Variants in TCF20 observed in about 807,000 individuals in gnomAD.
TCF20 encodes the protein transcription factor 20, also known as SPRE-binding protein.
TCF20 carries 3 observed loss-of-function variants against 148.6 expected under a neutral mutation model. The observed-to-expected ratio is 0.02, with a 90% confidence interval of 0.01 to 0.05. The LOEUF is 0.05. Among genes scored for constraint, TCF20 ranks in the 10% least tolerant of loss-of-function variants. The pLI is 1.00. For missense variants in TCF20, 2,350 were observed against 2,429.3 expected (o/e 0.97, Z 0.69); for synonymous variants, 1,049 against 909.5 (o/e 1.15, Z -2.76).
At chr22:42,268,578 A>T (rs913913364) in intron 1 of TCF20, among the ~76,000 whole-genome samples, 2 of 152,232 alleles carry the variant, frequency 1.3e-5, no homozygotes, top group Admixed American at 1.3e-4. Flanking sequence ...TCCTTTGAAG[A>T]ACTTTAATAA....
intron 2 of TCF20, among the ~76,000 whole-genome samples, chr22:42,197,252 A>T (rs994930112): frequency 6.6e-6 from 1 of 152,084 alleles, no homozygotes. Context: ...CAAGGAGGCT[A>T]CTTGATTTCC....
chr22:42,211,746 G>A lies in TCF20; in HGVS notation c.3560C>T (p.Ser1187Phe), dbSNP rs1190791129. 7 of 1,614,138 alleles carry A rather than the reference G, an allele frequency of 4.3e-6. No homozygotes were observed. The highest frequency in any genetic ancestry group is 4.2e-6 in the Non-Finnish European group (5 of 1,180,028). Residue 1187 changes from serine to phenylalanine, a missense_variant, in exon 2 of 6, where the codon TCC (serine) becomes TTC (phenylalanine). This residue lies in a region of TCF20 where 1,641 missense variants were observed against 1,662.6 expected (regional missense o/e 0.99). Transcript: ENST00000677622. ...LKHGSQKLQE[S>F]CWDLSRQTSP... ...AGTTTGCCGAGAAAGATCCCAACAG[G>A]ATTCTTGTAACTTCTGGGAGCCATG...
chr22:42,321,451 C>T lies in TCF20; in HGVS notation c.-37+22028G>A, dbSNP rs548198120. ...CCAGGACCCCATATGCAGCTCTACA[C>T]CCCTGTCCACTCTTCTGCAAAGGCA... is the stretch of plus-strand genomic sequence containing the variant. On this transcript the variant is annotated intron_variant, in intron 1 of 1. Coordinates refer to the TCF20 transcript ENST00000515426. Among the ~76,000 whole-genome samples, 141 of 146,318 alleles carry T rather than the reference C, an allele frequency of 9.6e-4. 5 individuals carry two copies. The Middle Eastern group carries it at 0.017, about 18-fold the overall frequency.
chr22:42,210,203 C>G lies in TCF20; in HGVS notation c.5103G>C (p.Gly1701=). 1.2e-6 allele frequency: 2 copies of G among 1,614,112 alleles called. No homozygotes were observed. The highest frequency in any genetic ancestry group is 1.7e-6 in the Non-Finnish European group (2 of 1,180,022). Residue 1701 remains glycine (G), a synonymous_variant, in exon 2 of 6, where the codon GGG becomes GGC. Transcript: ENST00000677622. The surrounding 1 kb of genome is among the most constrained non-coding windows in gnomAD (Gnocchi z 4.7). The part of the protein sequence containing the change: ...GPVVTESSVM[G]HLVCCLCGKW... ...TGCCACACAGACAGCAAACCAGGTG[C>G]CCCATAACCGAAGACTCTGTCACAA...
intron 2 of TCF20, among the ~76,000 whole-genome samples, chr22:42,189,635 A>G (rs1471621854): frequency 6.6e-6 from 1 of 152,240 alleles, no homozygotes; most frequent in Non-Finnish European, 1.5e-5. Context: ...CACGAGGAAG[A>G]GACTAGGCTT....
chr22:42,340,634 A>C (rs1204171090), intron 1 of TCF20, among the ~76,000 whole-genome samples: 1 of 151,096 alleles, frequency 6.6e-6, no homozygotes, highest in Non-Finnish European at 1.5e-5. Context: ...GGCCCACCCC[A>C]CTCCACCCCA....
At chr22:42,272,399 GAAGA>G (rs1444775759), upstream of TCF20, among the ~76,000 whole-genome samples, 2 of 152,222 alleles carry the variant, frequency 1.3e-5, no homozygotes, top group Non-Finnish European at 2.9e-5. Context: ...GAGAATTCAT[GAAGA>G]AAGATGAATC....
chr22:42,320,145 C>G (rs1005040472), intron 1 of TCF20, among the ~76,000 whole-genome samples: 2 of 152,300 alleles, frequency 1.3e-5, no homozygotes, highest in South Asian at 4.2e-4. Context: ...CCATTCTCAC[C>G]CCTGCTCACT....
chr22:42,188,293 CAAA>C (rs58945649), intron 2 of TCF20, among the ~76,000 whole-genome samples: 11 of 49,460 alleles, frequency 2.2e-4, no homozygotes, highest in South Asian at 1.1e-3. Flanking sequence ...AACTCCGTCT[CAAA>C]AAAAAAAAAA....
intron 3 of TCF20, among the ~76,000 whole-genome samples, chr22:42,171,107 G>C (rs1936107755): frequency 6.6e-6 from 1 of 152,204 alleles, no homozygotes; most frequent in Admixed American, 6.5e-5. Flanking sequence ...GGACACATCT[G>C]CCTCCAGGTG....
intron 5 of TCF20, among the ~76,000 whole-genome samples, chr22:42,167,683 T>A (rs1251712403): frequency 6.6e-6 from 1 of 152,052 alleles, no homozygotes; most frequent in Non-Finnish European, 1.5e-5. Context: ...ACCACAATAA[T>A]CCCACACAAA....
intron 1 of TCF20, among the ~76,000 whole-genome samples, chr22:42,261,863 C>T (rs1182954515): frequency 2.6e-5 from 4 of 152,084 alleles, no homozygotes; most frequent in African/African-American, 7.2e-5. Flanking sequence ...TGGTGGCGGG[C>T]GCCTGTAATC....
intron 1 of TCF20, among the ~76,000 whole-genome samples, chr22:42,253,536 T>TAC (rs1268526762): frequency 6.6e-6 from 1 of 152,212 alleles, no homozygotes; most frequent in Non-Finnish European, 1.5e-5. Flanking sequence ...TTTCAAGATT[T>TAC]ACCCCTTAAA....
chr22:42,262,513 G>C (rs1487034555), intron 1 of TCF20, among the ~76,000 whole-genome samples: 1 of 152,164 alleles, frequency 6.6e-6, no homozygotes, highest in African/African-American at 2.4e-5. Flanking sequence ...ATACCAGTGA[G>C]ATGGTCAAGC....
At chr22:42,165,909 C>T (rs372160579) in intron 5 of TCF20, among the ~76,000 whole-genome samples, 4 of 152,220 alleles carry the variant, frequency 2.6e-5, no homozygotes, top group Admixed American at 1.3e-4. Flanking sequence ...CAGAACATGG[C>T]GCACTAGGAG....
At chr22:42,201,647 A>C (rs981219481) in intron 2 of TCF20, among the ~76,000 whole-genome samples, 1 of 152,084 alleles carries the variant, frequency 6.6e-6, no homozygotes, top group Admixed American at 6.6e-5. Context: ...AGGTGCCTGC[A>C]ACTTCAGCTA....
rs950591996 is a variant in TCF20, at chr22:42,213,608, A to G, written c.1698T>C (p.Asn566=). Residue 566 remains asparagine, a synonymous_variant, in exon 2 of 6, where the codon AAT becomes AAC. Transcript: ENST00000677622. ...AGSSPAQGAQ[N]EPPRLNASPA... The stretch of plus-strand genomic sequence containing the variant: ...GACTAGCATTGAGTCTGGGGGGTTC[A>G]TTCTGAGCACCTTGTGCCGGTGAGG... 5 of 1,614,100 alleles carry G rather than the reference A, an allele frequency of 3.1e-6. No homozygotes were observed. Among genetic ancestry groups the G allele is most frequent in the Non-Finnish European group, 4.2e-6 (5 of 1,180,040 alleles).
intron 2 of TCF20, among the ~76,000 whole-genome samples, chr22:42,196,881 T>G (rs941937699): frequency 5.3e-5 from 8 of 152,164 alleles, no homozygotes; most frequent in African/African-American, 1.9e-4. Flanking sequence ...GGCTGGAAAT[T>G]TGTTATTCTG....
chr22:42,303,012 C>A (rs1280228711), intron 1 of TCF20, among the ~76,000 whole-genome samples: 1 of 152,252 alleles, frequency 6.6e-6, no homozygotes, highest in Non-Finnish European at 1.5e-5. Flanking sequence ...TCACTGCAAC[C>A]TCCGCCTCCC....
Sources: allele counts gnomAD v4.1 joint callset (sites outside exome capture counted in the v4.1 genomes callset), GRCh38; gene constraint gnomAD v4.1.1; regional missense constraint gnomAD v4.1.1; non-coding constraint Gnocchi (gnomAD v3.1); transcripts MANE v1.5; gene names NCBI Gene and HGNC (gene_info 2026-07-23, HGNC 2026-07-21).